EED: variants seen among roughly 807,000 people sequenced by gnomAD.
EED encodes the protein polycomb protein EED.
EED carries 9 observed loss-of-function variants against 61.0 expected under a neutral mutation model. The observed-to-expected ratio is 0.15, with a 90% CI of 0.09 to 0.26. The LOEUF (loss-of-function observed/expected upper bound fraction) is 0.26, where lower values mean the gene tolerates loss of function less well. EED is among the 10% of genes least tolerant of loss of function. EED has a pLI of 1.00. For missense variants in EED, 315 were observed against 542.3 expected (o/e 0.58, Z 4.16); for synonymous variants, 187 against 174.4 (o/e 1.07, Z -0.57).
Position 86,245,061 on chromosome 11 carries a change from G to T in EED, c.-169G>T. 1 of 543,390 alleles carries T rather than the reference G, an allele frequency of 1.8e-6. No homozygotes were observed. The highest frequency in any genetic ancestry group is 4.1e-5 in the Admixed American group (1 of 24,582). The allele number at this position is 543,390 out of a possible 1,614,324, so 33.7% of individuals were successfully genotyped here. ...CCTTTTTCAGCAGTGTGGCGGGGTC[G>T]CACGCACGCCCGCCTCGGCGGCTGG... On this transcript the variant is annotated 5_prime_UTR_variant, in exon 1 of 12. Coordinates refer to ENST00000263360, the MANE Select transcript of EED (RefSeq NM_003797.5).
chr11:86,269,964 G>A (rs1946073937), intron 9 of EED: 1 of 574,366 alleles, frequency 1.7e-6, no homozygotes, highest in Admixed American at 3.0e-5. Context: ...CAGCAGTTGT[G>A]TCCAGGTTTT....
intron 6 of EED, among the ~76,000 whole-genome samples, chr11:86,262,814 T>C (rs80355541): frequency 1.7e-5 from 1 of 58,256 alleles, no homozygotes; most frequent in Non-Finnish European, 4.4e-5. Context: ...CTGGCCTGGC[T>C]TTTTTTTTTT....
intron 2 of EED, among the ~76,000 whole-genome samples, chr11:86,250,879 T>G (rs1253791770): frequency 1.3e-5 from 2 of 152,136 alleles, no homozygotes; most frequent in Non-Finnish European, 2.9e-5. Context: ...TGTCCTTTGT[T>G]TTATTTATAA....
chr11:86,287,576 G>A, the EED span, among the ~76,000 whole-genome samples: 1 of 152,164 alleles, frequency 6.6e-6, no homozygotes, highest in African/African-American at 2.4e-5. Flanking sequence ...GGAAGTGTGT[G>A]TGTTTAATTC....
At chr11:86,269,885 A>T (rs1314156720) in intron 9 of EED, among the ~76,000 whole-genome samples, 1 of 152,114 alleles carries the variant, frequency 6.6e-6, no homozygotes, top group Non-Finnish European at 1.5e-5. Flanking sequence ...ACCATAGTTT[A>T]TGTAACTATC....
At chr11:86,263,443 A>G (rs1420136014) in intron 6 of EED, among the ~76,000 whole-genome samples, 1 of 152,194 alleles carries the variant, frequency 6.6e-6, no homozygotes, top group African/African-American at 2.4e-5. Context: ...CTGAGTACCA[A>G]CATTCTGTCT....
downstream of EED, among the ~76,000 whole-genome samples, chr11:86,282,542 T>C (rs1275785733): frequency 6.6e-6 from 1 of 152,212 alleles, no homozygotes; most frequent in Non-Finnish European, 1.5e-5. Flanking sequence ...ACACAAGTCT[T>C]TGTGTAACTC....
the EED span, among the ~76,000 whole-genome samples, chr11:86,286,971 C>CAAAAA: frequency 7.9e-4 from 54 of 68,278 alleles, no homozygotes; most frequent in Middle Eastern, 0.01. Context: ...GACTCCGTCT[C>CAAAAA]AAAAAAAAAA....
chr11:86,268,593 TCG>T (rs1946038278), intron 9 of EED, 32 bp downstream of exon 9: 2 of 944,506 alleles, frequency 2.1e-6, no homozygotes, highest in Non-Finnish European at 3.1e-6. Context: ...TGTACTTCCA[TCG>T]TGTGTGTGTG....
Position 86,245,199 on chromosome 11 carries a change from G to C in EED, c.-31G>C. ...CGGTGTGGCGGAGGCCCCGCCCCAG[G>C]CGGCAGGAACCTGGAGGGAGGCGGA... is the stretch of plus-strand genomic sequence containing the variant. On this transcript the variant is annotated 5_prime_UTR_variant, in exon 1 of 12. Coordinates refer to ENST00000263360, the MANE Select transcript of EED (RefSeq NM_003797.5). 6 of 1,591,524 alleles carry C rather than the reference G, an allele frequency of 3.8e-6. No individual in the cohort carries two copies. The South Asian group carries it at 6.7e-5, about 18-fold the overall frequency.
intron 6 of EED, among the ~76,000 whole-genome samples, chr11:86,260,209 T>C (rs1324956386): frequency 6.6e-6 from 1 of 152,208 alleles, no homozygotes; most frequent in Non-Finnish European, 1.5e-5. Context: ...GACGTGTCTT[T>C]GCTTTACATT....
the EED span, among the ~76,000 whole-genome samples, chr11:86,285,487 C>T: frequency 6.6e-6 from 1 of 152,162 alleles, no homozygotes. Context: ...TTTTTCCATC[C>T]TTTAACAATT....
At chr11:86,259,531 G>C (rs1214726227) in intron 6 of EED, among the ~76,000 whole-genome samples, 1 of 151,964 alleles carries the variant, frequency 6.6e-6, no homozygotes, top group African/African-American at 2.4e-5. Flanking sequence ...TACCTAGACT[G>C]GTCCTCAAAC....
At position 86,258,555 on chromosome 11, in the gene EED, G is replaced by GTTT. The variant is rs563888569; in HGVS notation, c.634+974_634+976dup. Among the ~76,000 whole-genome samples, 1,050 of 130,872 alleles carry GTTT rather than the reference G, an allele frequency of 8.0e-3. 13 individuals are homozygous for GTTT. The highest frequency in any genetic ancestry group is 0.028 in the African/African-American group (996 of 35,524). 85.9% of individuals were successfully genotyped at this position (130,872 alleles called of 152,430 possible). ...TTTTTTCTCTTTTCTTTGTTTTTTG[G>GTTT]TTTTTTTTTTTTTTTTTGAGACAAA... On this transcript the variant is annotated intron_variant, in intron 6 of 11. Coordinates refer to ENST00000263360, the MANE Select transcript of EED (RefSeq NM_003797.5).
In EED at chr11:86,245,124, C is replaced by T. The variant is rs1220475650; in HGVS notation, c.-106C>T. 2.0e-5 allele frequency: 16 copies of T among 798,538 alleles called. No homozygotes were observed. The highest frequency in any genetic ancestry group is 5.2e-5 in the South Asian group (3 of 57,288). 49.5% of individuals were successfully genotyped at this position (798,538 alleles called of 1,614,324 possible). A position where few individuals can be genotyped will look rare whatever the true frequency, so the allele number is the denominator to read the frequency against. Reference sequence around the variant, plus strand: ...ACAGTGGGGGGGGCGGTGGAGGTGGCGGCGGCAGCGGCAACTTTGCGGCAA... The same window carrying T: ...ACAGTGGGGGGGGCGGTGGAGGTGGTGGCGGCAGCGGCAACTTTGCGGCAA... On this transcript the variant is annotated 5_prime_UTR_variant, in exon 1 of 12. Transcript: ENST00000263360.
rs201730128 is a variant in EED, at chr11:86,266,227, T to G, written c.860+11T>G. On this transcript the variant is annotated intron_variant, in intron 8 of 11. Transcript: ENST00000263360. ...AAATAAAACTAACAGGTAACAGTTG[T>G]GGTATTTGAAACAATTTGCTATGTT... is the stretch of plus-strand genomic sequence containing the variant. 8.3e-5 allele frequency: 131 copies of G among 1,574,526 alleles called. No homozygotes were observed. Among genetic ancestry groups the G allele is most frequent in the Non-Finnish European group, 8.8e-5 (102 of 1,156,508 alleles).
chr11:86,278,411 G>T lies in EED; in HGVS notation c.1212G>T (p.Leu404=). Residue 404 remains leucine (L), a synonymous_variant, in exon 12 of 12, where the codon CTG becomes CTT. Transcript: ENST00000263360. ...GTTTTTTCCCTAGATGTACAACACT[G>T]ACTCATCATAAATGTGGTGCTGCTA... ...EDPHKAKCTT[L]THHKCGAAIR... 6.2e-7 allele frequency: 1 copy of T among 1,613,160 alleles called. No homozygotes were observed. Among genetic ancestry groups the T allele is most frequent in the South Asian group, 1.1e-5 (1 of 90,976 alleles).
chr11:86,256,270 G>C, intron 4 of EED, 117 bp from the exon 5 acceptor site: 2 of 1,002,770 alleles, frequency 2.0e-6, no homozygotes, highest in Non-Finnish European at 2.7e-6. Context: ...GGTTGTATAA[G>C]GAAAATTGAG....
chr11:86,250,159 G>A (rs1593720734), intron 1 of EED, 137 bp from the exon 2 acceptor site: 2 of 711,918 alleles, frequency 2.8e-6, no homozygotes, highest in South Asian at 4.2e-5. Context: ...TTATCCTTAT[G>A]TGGAGGCAAG....
Sources: gnomAD v4.1 joint callset for allele counts (sites outside exome capture counted in the v4.1 genomes callset) on GRCh38, gnomAD v4.1.1 for gene constraint, MANE v1.5 for transcripts, NCBI Gene and HGNC (gene_info 2026-07-23, HGNC 2026-07-21) for gene names.